MAP4K5: variants seen among roughly 807,000 people sequenced by gnomAD.
The protein encoded by MAP4K5 is mitogen-activated protein kinase kinase kinase kinase 5.
Under a neutral mutation model 135.6 loss-of-function variants are expected in MAP4K5, and 82 were observed. That is an observed-to-expected ratio of 0.60 (90% CI 0.51 to 0.73). The LOEUF is 0.73. Among genes scored for constraint, MAP4K5 ranks in the 30% least tolerant of loss-of-function variants. The pLI, the probability that MAP4K5 is intolerant of heterozygous loss-of-function variation, is 0.00. For missense variants in MAP4K5, 907 were observed against 1,010.9 expected, an observed-to-expected ratio of 0.90 and a Z score of 1.39; for synonymous variants, 347 against 335.0, an observed-to-expected ratio of 1.04 and a Z score of -0.39.
chr14:50,470,008 A>G (rs1292975106), intron 9 of MAP4K5, among the ~76,000 whole-genome samples: 2 of 152,218 alleles, frequency 1.3e-5, no homozygotes, highest in African/African-American at 4.8e-5. Context: ...TGCAAGTGCT[A>G]CATACATAAC....
At chr14:50,475,207 T>C (rs1566665195) in intron 8 of MAP4K5, 58 bp from the exon 9 acceptor site, 1 of 1,318,222 alleles carries the variant, frequency 7.6e-7, no homozygotes, top group Admixed American at 1.7e-5. Flanking sequence ...ACAACATTTT[T>C]ACTTTCGCCC....
Position 50,428,732 on chromosome 14 carries a change from T to A in MAP4K5, c.2256A>T (p.Leu752=). Residue 752 remains leucine (L), a synonymous_variant, in exon 30 of 33, where the codon CTA becomes CTT. Coordinates refer to ENST00000682126, the MANE Select transcript of MAP4K5 (RefSeq NM_006575.6). ...CLDKFVKIVN[L]QGKLKSSKKL... ...TCTTACTTGATTTTAATTTTCCTTGTAGATTTACAATTTTCACAAATTCTT... is the reference window on the plus strand; with the variant it reads ...TCTTACTTGATTTTAATTTTCCTTGAAGATTTACAATTTTCACAAATTCTT... 6.7e-7 allele frequency: 1 copy of A among 1,495,558 alleles called. No individual in the cohort carries two copies. The highest frequency in any genetic ancestry group is 8.9e-7 in the Non-Finnish European group (1 of 1,120,480). 92.6% of individuals were successfully genotyped at this position (1,495,558 alleles called of 1,614,324 possible).
intron 3 of MAP4K5, among the ~76,000 whole-genome samples, chr14:50,496,634 G>A (rs915334542): frequency 6.6e-5 from 10 of 151,444 alleles, no homozygotes; most frequent in African/African-American, 2.2e-4. Flanking sequence ...TCAGTGTCCT[G>A]AGTAGCTGGG....
intron 1 of MAP4K5, among the ~76,000 whole-genome samples, chr14:50,557,570 T>C (rs1171988828): frequency 1.3e-5 from 2 of 152,248 alleles, no homozygotes; most frequent in Non-Finnish European, 2.9e-5. Flanking sequence ...TGTATTATAA[T>C]GTATTCAACC....
At chr14:50,490,691 C>T (rs1301492280) in intron 3 of MAP4K5, among the ~76,000 whole-genome samples, 1 of 152,192 alleles carries the variant, frequency 6.6e-6, no homozygotes, top group Non-Finnish European at 1.5e-5. Flanking sequence ...ACAAGTTACA[C>T]TACAAAGATA....
intron 3 of MAP4K5, among the ~76,000 whole-genome samples, chr14:50,492,683 C>A (rs895006794): frequency 1.2e-4 from 18 of 151,880 alleles, no homozygotes; most frequent in African/African-American, 4.4e-4. Context: ...AATCCTGTAT[C>A]TGGTAAGATA....
At chr14:50,506,896 T>A (rs560857890) in intron 2 of MAP4K5, among the ~76,000 whole-genome samples, 22 of 152,294 alleles carry the variant, frequency 1.4e-4, no homozygotes, top group Admixed American at 1.1e-3. Flanking sequence ...CCATTGGACA[T>A]AAGAACTGTC....
At chr14:50,462,614 G>A (rs979661371) in intron 13 of MAP4K5, 51 bp downstream of exon 13, 1 of 1,265,116 alleles carries the variant, frequency 7.9e-7, no homozygotes, top group African/African-American at 1.5e-5. Flanking sequence ...CAAACTTTAA[G>A]GCCTTATAAA....
At chr14:50,516,818 A>G (rs1367835145) in intron 2 of MAP4K5, among the ~76,000 whole-genome samples, 1 of 152,190 alleles carries the variant, frequency 6.6e-6, no homozygotes, top group African/African-American at 2.4e-5. Flanking sequence ...CACTGACTTA[A>G]CCTACTCCTT....
At chr14:50,528,402 TAAAA>T (rs5808556) in intron 2 of MAP4K5, among the ~76,000 whole-genome samples, 6 of 107,040 alleles carry the variant, frequency 5.6e-5, no homozygotes, top group Non-Finnish European at 5.6e-5. Flanking sequence ...ACCTAAGGTG[TAAAA>T]AAAAAAAAAA....
intron 31 of MAP4K5, among the ~76,000 whole-genome samples, chr14:50,423,543 C>G (rs1042317485): frequency 6.6e-6 from 1 of 151,678 alleles, no homozygotes; most frequent in African/African-American, 2.4e-5. Flanking sequence ...CTTTGGGGGC[C>G]AAGGCTTGAG....
intron 2 of MAP4K5, among the ~76,000 whole-genome samples, chr14:50,530,568 G>C (rs910705138): frequency 6.6e-6 from 1 of 152,150 alleles, no homozygotes; most frequent in African/African-American, 2.4e-5. Flanking sequence ...ATTTTCTGAA[G>C]AGCATTCCAC....
chr14:50,445,008 G>A lies in MAP4K5; in HGVS notation c.1339+33C>T. ...CCCAGATAACAATATCTAGCCATAT[G>A]TACCCCATGGCTGCTAATAATGCTA... On this transcript the variant is annotated intron_variant, in intron 18 of 32. Transcript: ENST00000682126. 3 of 1,597,714 alleles carry A rather than the reference G, an allele frequency of 1.9e-6. 1 individual carries two copies. The South Asian group carries it at 3.4e-5, about 18-fold the overall frequency.
chr14:50,539,004 C>T (rs952051351), intron 2 of MAP4K5, among the ~76,000 whole-genome samples: 7 of 152,222 alleles, frequency 4.6e-5, no homozygotes, highest in Non-Finnish European at 1.0e-4. Context: ...ATAAATGGTC[C>T]TTTTATTATA....
At chr14:50,513,890 TAATTATGTATTCCAGATTTAAGA>T (rs2037979355) in intron 2 of MAP4K5, among the ~76,000 whole-genome samples, 1 of 152,206 alleles carries the variant, frequency 6.6e-6, no homozygotes, top group Non-Finnish European at 1.5e-5. Context: ...CTCAGAGTCA[TAATTATGTATTCCAGATTTAAGA>T]ACATGATCTA....
chr14:50,514,412 T>C (rs565429293), intron 2 of MAP4K5, among the ~76,000 whole-genome samples: 1 of 152,286 alleles, frequency 6.6e-6, no homozygotes, highest in East Asian at 1.9e-4. Flanking sequence ...GTTCATTTAT[T>C]CAACAAACAT....
chr14:50,517,720 G>A (rs1321180820), intron 2 of MAP4K5, among the ~76,000 whole-genome samples: 1 of 152,078 alleles, frequency 6.6e-6, no homozygotes, highest in Non-Finnish European at 1.5e-5. Context: ...AGTGGTTGCA[G>A]TAAGCCAAGA....
chr14:50,557,403 G>A (rs2038777506), intron 1 of MAP4K5, among the ~76,000 whole-genome samples: 1 of 152,014 alleles, frequency 6.6e-6, no homozygotes, highest in African/African-American at 2.4e-5. Flanking sequence ...ACAGATGAAT[G>A]GATACTTTTT....
At chr14:50,425,083 CT>C (rs2035816972) in intron 31 of MAP4K5, among the ~76,000 whole-genome samples, 1 of 152,130 alleles carries the variant, frequency 6.6e-6, no homozygotes. Flanking sequence ...AGTTTTTGAG[CT>C]TTAAGTAAGT....
Sources: gnomAD v4.1 joint callset for allele counts (sites outside exome capture counted in the v4.1 genomes callset) on GRCh38, gnomAD v4.1.1 for gene constraint, MANE v1.5 for transcripts, NCBI Gene and HGNC (gene_info 2026-07-23, HGNC 2026-07-21) for gene names.